The following CNTN5 variants were observed in gnomAD, a reference collection of about 807,000 sequenced individuals.
The protein encoded by CNTN5 is contactin-5.
CNTN5 carries 77 observed loss-of-function variants against 129.1 expected under a neutral mutation model. The ratio of observed to expected loss-of-function variants is 0.60; its 90% CI spans 0.50 to 0.72. The LOEUF (loss-of-function observed/expected upper bound fraction) is 0.72, where lower values mean the gene tolerates loss of function less well. Among genes scored for constraint, CNTN5 ranks in the 30% least tolerant of loss-of-function variants. The pLI, the probability that CNTN5 is intolerant of heterozygous loss-of-function variation, is 0.00. For synonymous variants in CNTN5, 509 were observed against 465.6 expected, an observed-to-expected ratio of 1.09 and a Z score of -1.20; for missense variants, 1,478 against 1,328.8, an observed-to-expected ratio of 1.11 and a Z score of -1.75.
chr11:99,854,371 G>C (rs1320251827), intron 6 of CNTN5, among the ~76,000 whole-genome samples: 2 of 152,164 alleles, frequency 1.3e-5, no homozygotes, highest in Admixed American at 6.5e-5. Context: ...GGACACCAAA[G>C]AATAAGAATG....
chr11:99,800,275 G>A (rs61911596), intron 3 of CNTN5, among the ~76,000 whole-genome samples: 16,160 of 151,836 alleles, frequency 0.11, 1,523 homozygotes, highest in East Asian at 0.42. Context: ...AGGACTTCTT[G>A]GTATTGATTT....
chr11:99,656,711 G>A (rs1952380279), intron 3 of CNTN5, among the ~76,000 whole-genome samples: 1 of 152,074 alleles, frequency 6.6e-6, no homozygotes, highest in South Asian at 2.1e-4. Context: ...ATGGAAGACT[G>A]GAAGCCAAGA....
At chr11:99,056,188 G>C (rs1864617786) in intron 1 of CNTN5, among the ~76,000 whole-genome samples, 1 of 151,756 alleles carries the variant, frequency 6.6e-6, no homozygotes. Flanking sequence ...GGTAAGCCAT[G>C]TAGTATATAT....
chr11:99,276,150 CTT>C (rs1863416663), intron 1 of CNTN5, among the ~76,000 whole-genome samples: 1 of 151,632 alleles, frequency 6.6e-6, no homozygotes, highest in African/African-American at 2.4e-5. Context: ...TGTGCTGTCT[CTT>C]TGATTCTGAA....
chr11:99,274,272 T>A (rs1863319126), intron 1 of CNTN5, among the ~76,000 whole-genome samples: 1 of 151,798 alleles, frequency 6.6e-6, no homozygotes, highest in Non-Finnish European at 1.5e-5. Context: ...GAATCTATGA[T>A]ATCGTGGTGA....
At position 99,726,349 on chromosome 11, in the gene CNTN5, A is replaced by G. The variant is rs148267829; in HGVS notation, c.56-93195A>G. Among the ~76,000 whole-genome samples, 368 of 152,256 alleles carry G rather than the reference A, an allele frequency of 2.4e-3. 2 individuals are homozygous for G. The highest frequency in any genetic ancestry group is 2.6e-3 in the Non-Finnish European group (176 of 68,006). ...TTTATAAAAGCTTTTTCTGTAATCT[A>G]TGGCTCTGTTATGTTTACCCCATTG... On this transcript the variant is annotated intron_variant, in intron 3 of 24. Coordinates refer to ENST00000524871, the MANE Select transcript of CNTN5 (RefSeq NM_014361.4).
At chr11:100,238,408 C>CAA (rs201855934) in intron 16 of CNTN5, among the ~76,000 whole-genome samples, 812 of 71,130 alleles carry the variant, frequency 0.011, 14 homozygotes, top group African/African-American at 0.032. Context: ...CCTCACTTGT[C>CAA]AAAAAAAAAA....
intron 2 of CNTN5, among the ~76,000 whole-genome samples, chr11:99,393,039 T>C (rs987362752): frequency 6.6e-5 from 10 of 151,928 alleles, no homozygotes; most frequent in African/African-American, 2.4e-4. Context: ...ACATCTAATT[T>C]AAGTGGTTTA....
At chr11:99,586,914 C>T (rs1181100801) in intron 3 of CNTN5, among the ~76,000 whole-genome samples, 2 of 152,158 alleles carry the variant, frequency 1.3e-5, no homozygotes, top group Non-Finnish European at 2.9e-5. Context: ...TAAGCTTATC[C>T]AGGAACGTTA....
chr11:100,279,910 C>CTTTTTTTTTTTT (rs58391412), intron 18 of CNTN5, among the ~76,000 whole-genome samples: 2 of 114,716 alleles, frequency 1.7e-5, no homozygotes, highest in East Asian at 2.6e-4. Flanking sequence ...TTTTCTTTTT[C>CTTTTTTTTTTTT]TTTTTTTTTT....
chr11:99,484,570 T>C (rs1172922682), intron 2 of CNTN5, among the ~76,000 whole-genome samples: 1 of 152,134 alleles, frequency 6.6e-6, no homozygotes, highest in Non-Finnish European at 1.5e-5. Context: ...CCAAAAGACA[T>C]CTACAGCTCT....
intron 2 of CNTN5, among the ~76,000 whole-genome samples, chr11:99,536,415 A>G (rs2135482837): frequency 6.6e-6 from 1 of 152,264 alleles, no homozygotes; most frequent in South Asian, 2.1e-4. Flanking sequence ...TGTCTAAGAC[A>G]TATTCTGTGC....
intron 8 of CNTN5, among the ~76,000 whole-genome samples, chr11:99,972,959 G>T (rs1937677996): frequency 6.6e-6 from 1 of 151,670 alleles, no homozygotes; most frequent in Admixed American, 6.6e-5. Flanking sequence ...TCCATGGTGA[G>T]AACTAATCAT....
At chr11:99,728,620 A>T (rs190796463) in intron 3 of CNTN5, among the ~76,000 whole-genome samples, 1 of 152,276 alleles carries the variant, frequency 6.6e-6, no homozygotes, top group African/African-American at 2.4e-5. Context: ...AGTTGTCGGG[A>T]TAGAAACCTG....
chr11:99,378,835 T>C (rs537994748), intron 2 of CNTN5, among the ~76,000 whole-genome samples: 1 of 152,048 alleles, frequency 6.6e-6, no homozygotes, highest in Non-Finnish European at 1.5e-5. Context: ...ATACAAACAG[T>C]ATGATATACA....
intron 1 of CNTN5, among the ~76,000 whole-genome samples, chr11:99,313,439 AC>A (rs1224126910): frequency 6.6e-6 from 1 of 152,056 alleles, no homozygotes; most frequent in Non-Finnish European, 1.5e-5. Flanking sequence ...TAGACTTAAG[AC>A]TTTTTTTACA....
intron 18 of CNTN5, among the ~76,000 whole-genome samples, chr11:100,285,876 T>C (rs998229300): frequency 6.6e-5 from 10 of 152,100 alleles, no homozygotes; most frequent in Non-Finnish European, 1.3e-4. Context: ...TGCCAGACAG[T>C]GGGCGCAGGT....
chr11:99,866,627 T>C (rs551612818), intron 6 of CNTN5, among the ~76,000 whole-genome samples: 1 of 152,194 alleles, frequency 6.6e-6, no homozygotes, highest in African/African-American at 2.4e-5. Context: ...ATAACATCTT[T>C]AGAGCTGAAG....
chr11:100,215,328 G>C (rs991469192), intron 15 of CNTN5, among the ~76,000 whole-genome samples: 10 of 152,194 alleles, frequency 6.6e-5, no homozygotes, highest in African/African-American at 1.9e-4. Context: ...AGTTACCAAG[G>C]CCAGTCCAGA....
Sources: gnomAD v4.1 joint callset for allele counts (sites outside exome capture counted in the v4.1 genomes callset) on GRCh38, gnomAD v4.1.1 for gene constraint, MANE v1.5 for transcripts, NCBI Gene and HGNC (gene_info 2026-07-23, HGNC 2026-07-21) for gene names.